The following DNAH5 variants were observed in gnomAD, a reference collection of about 807,000 sequenced individuals.
DNAH5 encodes the protein axonemal beta dynein heavy chain 5.
DNAH5 carries 372 observed loss-of-function variants against 518.2 expected under a neutral mutation model. The observed-to-expected ratio is 0.72, with a 90% CI of 0.66 to 0.78. The LOEUF is 0.78. Among genes scored for constraint, DNAH5 ranks in the 30% least tolerant of loss-of-function variants. The pLI is 0.00. For synonymous variants in DNAH5, 2,039 were observed against 2,025.9 expected (o/e 1.01, Z -0.17); for missense variants, 5,523 against 5,687.0 (o/e 0.97, Z 0.93).
chr5:13,926,510 C>T (rs1015716266), intron 3 of DNAH5, among the ~76,000 whole-genome samples: 1 of 152,166 alleles, frequency 6.6e-6, no homozygotes, highest in Non-Finnish European at 1.5e-5. Context: ...CTGAGAAGTT[C>T]AACCTTCAGA....
chr5:14,008,277 G>A (rs1784869079), intron 1 of DNAH5, among the ~76,000 whole-genome samples: 1 of 70,254 alleles, frequency 1.4e-5, no homozygotes, highest in Admixed American at 1.3e-4. Context: ...GAGGGAGAGG[G>A]AAAGAGGAAG....
rs1462265348 is a variant in DNAH5, at chr5:13,788,808, T to G, written c.8555A>C (p.Glu2852Ala). Reference protein sequence around the residue: ...WFDKALVSLVEEEFGEEKKLL... With the variant: ...WFDKALVSLVAEEFGEEKKLL... ...TTTTTTCTCTTCACCAAACTCCTCCTCTACCAAACTTACTAAAGCCTTATC... is the reference window on the plus strand; with the variant it reads ...TTTTTTCTCTTCACCAAACTCCTCCGCTACCAAACTTACTAAAGCCTTATC... Residue 2852 changes from glutamate (E) to alanine (A), a missense_variant, in exon 51 of 79, where the codon GAG (glutamate) becomes GCG (alanine). Physicochemically the swap from Glu to Ala is moderately radical, Grantham distance 107. Transcript: ENST00000265104. The G allele has an allele frequency of 1.2e-6, 2 of 1,614,008 alleles. No individual in the cohort carries two copies. Among genetic ancestry groups the G allele is most frequent in the African/African-American group, 2.7e-5 (2 of 74,918 alleles).
At chr5:13,753,154 T>C (rs1750488348) in intron 63 of DNAH5, 79 bp downstream of exon 63, 3 of 1,083,622 alleles carry the variant, frequency 2.8e-6, no homozygotes, top group Non-Finnish European at 4.2e-6. Context: ...TTTTCAAATA[T>C]TTCTTTACTC....
chr5:13,854,698 GA>G (rs1767368188), intron 30 of DNAH5, among the ~76,000 whole-genome samples: 2 of 48,206 alleles, frequency 4.1e-5, no homozygotes, highest in South Asian at 8.1e-4. Context: ...GGAAAGCAAA[GA>G]AAAAGCAGGG....
At chr5:13,724,086 G>A (rs1745407796) in intron 70 of DNAH5, among the ~76,000 whole-genome samples, 1 of 152,226 alleles carries the variant, frequency 6.6e-6, no homozygotes, top group African/African-American at 2.4e-5. Flanking sequence ...GCATGCATTA[G>A]AAAGAGTACA....
intron 1 of DNAH5, among the ~76,000 whole-genome samples, chr5:13,999,657 C>T (rs559377615): frequency 1.3e-5 from 2 of 152,320 alleles, no homozygotes; most frequent in East Asian, 1.9e-4. Flanking sequence ...AACACGAGAA[C>T]ACTGCTATCT....
intron 15 of DNAH5, 192 bp downstream of exon 15, chr5:13,900,014 C>T (rs1561532831): frequency 1.7e-6 from 1 of 595,272 alleles, no homozygotes; most frequent in East Asian, 2.8e-5. Context: ...CCAAGCTTCT[C>T]ATCTTGGCCT....
upstream of DNAH5, among the ~76,000 whole-genome samples, chr5:13,949,062 C>T (rs541858213): frequency 1.1e-4 from 16 of 152,228 alleles, no homozygotes; most frequent in East Asian, 3.9e-4. Context: ...ACTTGACAAC[C>T]GGTAACAGAG....
chr5:13,719,142 T>A (rs2126519809), intron 71 of DNAH5, 41 bp from the exon 72 acceptor site: 2 of 1,440,500 alleles, frequency 1.4e-6, no homozygotes, highest in Non-Finnish European at 1.9e-6. Context: ...GTTTTGTATT[T>A]CACCCAAATT....
intron 71 of DNAH5, 151 bp from the exon 72 acceptor site, chr5:13,719,252 G>GT (rs1744724835): frequency 1.4e-6 from 1 of 727,964 alleles, no homozygotes; most frequent in South Asian, 1.6e-5. Flanking sequence ...AAACAAAAAT[G>GT]TTTAATTGCG....
At chr5:13,829,385 T>C in intron 38 of DNAH5, 125 bp downstream of exon 38, 1 of 888,188 alleles carries the variant, frequency 1.1e-6, no homozygotes, top group Admixed American at 2.2e-5. Flanking sequence ...TAATACACCT[T>C]TCTACTCAGT....
intron 39 of DNAH5, 127 bp downstream of exon 39, chr5:13,824,072 C>T: frequency 2.0e-6 from 2 of 1,004,800 alleles, no homozygotes; most frequent in Non-Finnish European, 3.1e-6. Context: ...TGATGCTCTC[C>T]AGCACTTTAT....
chr5:13,757,241 CAATGGT>C (rs1207719960), intron 61 of DNAH5, among the ~76,000 whole-genome samples: 2 of 152,158 alleles, frequency 1.3e-5, no homozygotes, highest in Non-Finnish European at 2.9e-5. Flanking sequence ...ATTGCTGGGT[CAATGGT>C]ATTTCTGTTT....
intron 12 of DNAH5, 50 bp downstream of exon 12, chr5:13,911,336 G>T: frequency 6.9e-7 from 1 of 1,450,880 alleles, no homozygotes; most frequent in South Asian, 1.1e-5. Flanking sequence ...TATACAGAAA[G>T]GAAAAAATAA....
chr5:13,791,898 T>C lies in DNAH5; in HGVS notation c.8448+96A>G, dbSNP rs183303469. The stretch of plus-strand genomic sequence containing the variant: ...ACCCATGCTGAAACATTCCAAAATA[T>C]GTTCACAGTTCAAGTAAAAAATAAA... On this transcript the variant is annotated intron_variant, in intron 50 of 78. Coordinates refer to ENST00000265104, the MANE Select transcript of DNAH5 (RefSeq NM_001369.3). The C allele has an allele frequency of 2.8e-3, 2,978 of 1,078,078 alleles. 40 individuals carry two copies. The highest frequency in any genetic ancestry group is 1.0e-3 in the Non-Finnish European group (743 of 730,332). The allele number at this position is 1,078,078 out of a possible 1,614,324, so 66.8% of individuals were successfully genotyped here. A position where few individuals can be genotyped will look rare whatever the true frequency, so the allele number is the denominator to read the frequency against.
intron 1 of DNAH5, among the ~76,000 whole-genome samples, chr5:13,943,768 G>T (rs1178134541): frequency 6.6e-6 from 1 of 152,214 alleles, no homozygotes. Flanking sequence ...GGAAGCATGG[G>T]TTAATGGTTG....
chr5:13,713,124 T>TATATACACACAC (rs1554018603), intron 75 of DNAH5, among the ~76,000 whole-genome samples: 2 of 146,562 alleles, frequency 1.4e-5, no homozygotes, highest in African/African-American at 5.1e-5. Context: ...TATATATATA[T>TATATACACACAC]ACACACACAC....
At chr5:13,768,362 G>A (rs773712729) in intron 58 of DNAH5, among the ~76,000 whole-genome samples, 6 of 152,140 alleles carry the variant, frequency 3.9e-5, no homozygotes, top group African/African-American at 4.8e-5. Flanking sequence ...TGCCATGATC[G>A]TAAGTTTCCT....
intron 30 of DNAH5, 128 bp downstream of exon 30, chr5:13,859,324 G>C (rs894316013): frequency 1.0e-6 from 1 of 989,632 alleles, no homozygotes; most frequent in Non-Finnish European, 1.6e-6. Flanking sequence ...AGCATTAACA[G>C]TGACAACAAA....
Sources: gnomAD v4.1 joint callset for allele counts (sites outside exome capture counted in the v4.1 genomes callset) on GRCh38, gnomAD v4.1.1 for gene constraint, MANE v1.5 for transcripts, NCBI Gene and HGNC (gene_info 2026-07-23, HGNC 2026-07-21) for gene names.